SYNE2: variants seen among roughly 807,000 people sequenced by gnomAD.
SYNE2 encodes spectrin repeat containing nuclear envelope protein 2, also known as nesprin-2.
SYNE2 carries 431 observed loss-of-function variants against 856.3 expected under a neutral mutation model. The observed-to-expected ratio is 0.50, with a 90% confidence interval of 0.47 to 0.55. The LOEUF (loss-of-function observed/expected upper bound fraction) is 0.55. Among genes scored for constraint, SYNE2 ranks in the 20% least tolerant of loss-of-function variants. The pLI, the probability that SYNE2 is intolerant of heterozygous loss-of-function variation, is 0.00. For missense variants in SYNE2, 8,129 were observed against 8,023.2 expected (o/e 1.01, Z -0.50); for synonymous variants, 2,923 against 2,872.3 (o/e 1.02, Z -0.56).
chr14:64,185,867 C>G (rs758486871), intron 96 of SYNE2, among the ~76,000 whole-genome samples: 4 of 152,196 alleles, frequency 2.6e-5, no homozygotes, highest in Non-Finnish European at 5.9e-5. Context: ...AGAAAAATAT[C>G]TGCTAACTAA....
chr14:64,188,824 A>G, intron 98 of SYNE2, 116 bp downstream of exon 98: 2 of 1,093,776 alleles, frequency 1.8e-6, no homozygotes, highest in Non-Finnish European at 2.8e-6. Context: ...CATTTTAGAA[A>G]TTTGAAGGGA....
intron 1 of SYNE2, among the ~76,000 whole-genome samples, chr14:63,815,019 CATATATATCCATATATACATCCACAT>C (rs1555341194): frequency 7.7e-5 from 9 of 117,606 alleles, no homozygotes; most frequent in Admixed American, 2.9e-4. Flanking sequence ...TATATACATC[CATATATATCCATATATACATCCACAT>C]ATATATATCC....
rs140344963 is a variant in SYNE2, at chr14:63,817,997, C to G, written c.-304-34504C>G. Among the ~76,000 whole-genome samples the G allele has an allele frequency of 1.1e-3, 140 of 132,118 alleles. 1 individual carries two copies. In the East Asian group the frequency reaches 0.025, roughly 23 times the overall value. The allele number at this position is 132,118 out of a possible 152,430, so 86.7% of individuals were successfully genotyped here. ...CCATGATAGCACCACTGCACTGCAG[C>G]CTGGGCTACCAAGTGAGACCCTTTC... On this transcript the variant is annotated intron_variant, in intron 1 of 23. Coordinates refer to the SYNE2 transcript ENST00000674003.
rs759469533 is a variant in SYNE2 at position 64,202,937 on chromosome 14, A to G, written c.18175A>G (p.Ile6059Val). 1.2e-6 allele frequency: 2 copies of G among 1,614,070 alleles called. No homozygotes were observed. The highest frequency in any genetic ancestry group is 1.7e-6 in the Non-Finnish European group (2 of 1,180,054). The change falls in exon 100 of 116, where the codon ATC becomes GTC. Residue 6059 changes from isoleucine (I) to valine (V), a missense_variant. Transcript: ENST00000555002. ...TTATGATGTCTGCGATGATCAAGAG[A>G]TCCAGAAGAGGCTCGCTGAGCAGCA... ...VVYDVCDDQE[I>V]QKRLAEQQDL...
Position 64,003,122 on chromosome 14 carries a change from ACCT to A in SYNE2, c.4193_4195del (p.Ser1398del). 6.2e-7 allele frequency: 1 copy of A among 1,614,136 alleles called. No homozygotes were observed. The highest frequency in any genetic ancestry group is 1.1e-5 in the South Asian group (1 of 91,090). Reference sequence around the variant, plus strand: ...TAAAGATGCTGAACGGGGTGATGACACCTCCTGTGAAAACCTGCTTGATGCTTT... The same window carrying A: ...TAAAGATGCTGAACGGGGTGATGACACCTGTGAAAACCTGCTTGATGCTTT... On this transcript the variant is annotated inframe_deletion, in exon 30 of 116. Coordinates refer to ENST00000555002, the MANE Select transcript of SYNE2 (RefSeq NM_182914.3).
At position 64,167,550 on chromosome 14, in the gene SYNE2, A is replaced by G. The variant is rs1595946488; in HGVS notation, c.16816A>G (p.Ile5606Val). Residue 5606 changes from isoleucine to valine, a missense_variant, in exon 92 of 116, where the codon ATC becomes GTC. Transcript: ENST00000555002. ...GTTTCTTTATTGCTGTGAAAAGTGG[A>G]TCCAACTTTTGGAGAAGATAGAAGA... is the stretch of plus-strand genomic sequence containing the variant. ...EKFLYCCEKW[I>V]QLLEKIEEAL... 2 of 1,614,198 alleles carry G rather than the reference A, an allele frequency of 1.2e-6. No individual in the cohort carries two copies. The highest frequency in any genetic ancestry group is 3.3e-5 in the Admixed American group (2 of 60,020).
chr14:64,120,655 T>TG (rs1005521878), intron 67 of SYNE2, among the ~76,000 whole-genome samples: 1 of 152,050 alleles, frequency 6.6e-6, no homozygotes, highest in African/African-American at 2.4e-5. Flanking sequence ...CACAGCTACT[T>TG]GGGGGGCTGA....
At position 64,003,095 on chromosome 14, in the gene SYNE2, T is replaced by A. The variant is rs781331199; in HGVS notation, c.4162T>A (p.Phe1388Ile). ...DKCLKMLDMS[F>I]KDAERGDDTS... ...ATGTTTGAAGATGCTCGATATGAGC[T>A]TTAAAGATGCTGAACGGGGTGATGA... is the stretch of plus-strand genomic sequence containing the variant. The change falls in exon 30 of 116, where the codon TTT becomes ATT. Residue 1388 changes from phenylalanine (F) to isoleucine (I), a missense_variant. Around this residue, in one of 3 missense-constraint regions of SYNE2, gnomAD observed 2,422 missense variants for 2,357.4 expected, o/e 1.03. Transcript: ENST00000555002. The A allele has an allele frequency of 1.2e-6, 2 of 1,614,074 alleles. No homozygotes were observed. The highest frequency in any genetic ancestry group is 2.7e-5 in the African/African-American group (2 of 74,936).
chr14:64,174,872 T>C (rs2098426544), intron 94 of SYNE2, 72 bp from the exon 95 acceptor site: 15 of 1,417,800 alleles, frequency 1.1e-5, no homozygotes, highest in African/African-American at 1.4e-5. Flanking sequence ...GAAGGAAATA[T>C]ACACAGGCAC....
intron 78 of SYNE2, among the ~76,000 whole-genome samples, chr14:64,135,263 C>T (rs2098077460): frequency 6.6e-6 from 1 of 152,198 alleles, no homozygotes; most frequent in African/African-American, 2.4e-5. Context: ...ACTTTAAAAC[C>T]TCAAAAGCAC....
intron 22 of SYNE2, 22 bp downstream of exon 22, chr14:63,993,991 T>A (rs781656073): frequency 6.2e-7 from 1 of 1,612,710 alleles, no homozygotes; most frequent in Admixed American, 1.7e-5. Context: ...CATATGTTTC[T>A]GAACTTACGT....
intron 2 of SYNE2, among the ~76,000 whole-genome samples, chr14:63,918,773 A>G (rs753314598): frequency 1.3e-4 from 20 of 152,186 alleles, no homozygotes; most frequent in Non-Finnish European, 2.6e-4. Context: ...TTTACTGCAC[A>G]ATTTCATCAG....
chr14:64,116,295 AC>A (rs1337076902), intron 66 of SYNE2, among the ~76,000 whole-genome samples: 1 of 152,228 alleles, frequency 6.6e-6, no homozygotes, highest in Non-Finnish European at 1.5e-5. Flanking sequence ...CTGTCACATT[AC>A]ATTAAAAAAA....
Position 63,961,584 on chromosome 14 carries a change from C to A in SYNE2, c.847C>A (p.Gln283Lys), listed in dbSNP as rs759218271. ...SIMTYVAQFL[Q>K]YSKDAPGTGE... ...CATGACCTATGTGGCACAGTTTCTGCAGTATTCCAAAGATGCCCCTGGGAC... is the reference window on the plus strand; with the variant it reads ...CATGACCTATGTGGCACAGTTTCTGAAGTATTCCAAAGATGCCCCTGGGAC... The change falls in exon 9 of 116, where the codon CAG (glutamine) becomes AAG (lysine). Residue 283 changes from glutamine to lysine, a missense_variant. Physicochemically the swap from Gln to Lys is moderately conservative, Grantham distance 53. Around this residue, in one of 3 missense-constraint regions of SYNE2, gnomAD observed 2,422 missense variants for 2,357.4 expected, o/e 1.03. Transcript: ENST00000555002. 3.7e-6 allele frequency: 6 copies of A among 1,614,024 alleles called. No homozygotes were observed. Among genetic ancestry groups the A allele is most frequent in the Middle Eastern group, 1.6e-4 (1 of 6,062 alleles).
chr14:63,816,253 A>T (rs1888988922), intron 1 of SYNE2, among the ~76,000 whole-genome samples: 1 of 151,916 alleles, frequency 6.6e-6, no homozygotes, highest in African/African-American at 2.4e-5. Context: ...GGCCTAAATT[A>T]TTATTATTAC....
chr14:64,086,734 G>A (rs1423578382), intron 57 of SYNE2, among the ~76,000 whole-genome samples: 2 of 103,130 alleles, frequency 1.9e-5, no homozygotes, highest in Non-Finnish European at 3.6e-5. Flanking sequence ...TTTTGAGATG[G>A]TGTCTTGCTC....
chr14:63,938,095 G>A (rs991643729), intron 2 of SYNE2, among the ~76,000 whole-genome samples: 11 of 152,230 alleles, frequency 7.2e-5, no homozygotes, highest in African/African-American at 2.4e-4. Context: ...CAAGTGTATT[G>A]GAGAGGAGGA....
intron 2 of SYNE2, among the ~76,000 whole-genome samples, chr14:63,922,656 T>C (rs952514707): frequency 2.0e-5 from 3 of 152,352 alleles, no homozygotes; most frequent in East Asian, 3.9e-4. Flanking sequence ...TAATATTTAT[T>C]TTGAGATATA....
chr14:64,148,594 C>CCCCT (rs1354406887), intron 84 of SYNE2, among the ~76,000 whole-genome samples: 26 of 152,136 alleles, frequency 1.7e-4, no homozygotes. Context: ...GCACCCTGAC[C>CCCCT]CCCTCCCTCA....
Sources: allele counts gnomAD v4.1 joint callset (sites outside exome capture counted in the v4.1 genomes callset), GRCh38; gene constraint gnomAD v4.1.1; regional missense constraint gnomAD v4.1.1; transcripts MANE v1.5; gene names NCBI Gene and HGNC (gene_info 2026-07-23, HGNC 2026-07-21).